The following ZNF804B variants were observed in gnomAD, a reference collection of about 807,000 sequenced individuals.
ZNF804B encodes zinc finger protein 804B, also known as zinc finger 804B.
In ZNF804B, 80 loss-of-function variants were observed where a neutral mutation model predicts 101.4. The ratio of observed to expected loss-of-function variants is 0.79; its 90% CI spans 0.66 to 0.95. The LOEUF is 0.95. Among genes scored for constraint, ZNF804B ranks in the 40% least tolerant of loss-of-function variants. The pLI is 0.00. For synonymous variants in ZNF804B, 622 were observed against 558.8 expected, an observed-to-expected ratio of 1.11 and a Z score of -1.59; for missense variants, 1,673 against 1,561.9, an observed-to-expected ratio of 1.07 and a Z score of -1.20.
intron 1 of ZNF804B, among the ~76,000 whole-genome samples, chr7:88,946,553 T>A (rs1433051260): frequency 5.6e-5 from 4 of 71,820 alleles, no homozygotes; most frequent in African/African-American, 2.7e-4. Flanking sequence ...GCTGAAATTT[T>A]CTTTTTTTTT....
intron 1 of ZNF804B, among the ~76,000 whole-genome samples, chr7:89,149,294 T>C (rs1790835566): frequency 6.6e-6 from 1 of 152,108 alleles, no homozygotes; most frequent in African/African-American, 2.4e-5. Context: ...TTACTTGTCT[T>C]GTCTTTGCAA....
chr7:88,782,728 G>A (rs117428140), intron 1 of ZNF804B, among the ~76,000 whole-genome samples: 3,978 of 152,250 alleles, frequency 0.026, 74 homozygotes, highest in Admixed American at 0.041. Context: ...ACAAGGTAGT[G>A]TGAGAAATAA....
intron 2 of ZNF804B, among the ~76,000 whole-genome samples, chr7:89,294,590 G>T (rs1224257645): frequency 1.3e-5 from 2 of 151,364 alleles, no homozygotes; most frequent in African/African-American, 4.9e-5. Flanking sequence ...CTCTATACCT[G>T]CTGGGTCTCC....
chr7:89,051,562 A>G (rs543555378), intron 1 of ZNF804B, among the ~76,000 whole-genome samples: 2 of 152,268 alleles, frequency 1.3e-5, no homozygotes, highest in Admixed American at 1.3e-4. Context: ...ATATATGCCA[A>G]TCTGATAAGA....
intron 1 of ZNF804B, among the ~76,000 whole-genome samples, chr7:88,892,017 C>CTAAAGTTAT (rs1260197607): frequency 1.3e-5 from 2 of 152,034 alleles, no homozygotes; most frequent in East Asian, 3.9e-4. Flanking sequence ...ATATAAAAGC[C>CTAAAGTTAT]TAAAGTTATA....
chr7:88,796,777 G>A (rs1261717455), intron 1 of ZNF804B, among the ~76,000 whole-genome samples: 2 of 152,030 alleles, frequency 1.3e-5, no homozygotes, highest in East Asian at 3.9e-4. Flanking sequence ...GCAGGTAAGT[G>A]GTCCTTAAAG....
chr7:89,051,443 G>A (rs896225360), intron 1 of ZNF804B, among the ~76,000 whole-genome samples: 3 of 152,128 alleles, frequency 2.0e-5, no homozygotes, highest in African/African-American at 7.2e-5. Context: ...TTCTCCACAT[G>A]TTATCAAGTG....
chr7:88,856,769 G>C (rs1055789219), intron 1 of ZNF804B, among the ~76,000 whole-genome samples: 1 of 152,068 alleles, frequency 6.6e-6, no homozygotes, highest in African/African-American at 2.4e-5. Flanking sequence ...TTATTATTTT[G>C]AGATACGTCC....
At chr7:89,046,670 G>A (rs911565500) in intron 1 of ZNF804B, among the ~76,000 whole-genome samples, 1 of 152,012 alleles carries the variant, frequency 6.6e-6, no homozygotes, top group Admixed American at 6.6e-5. Flanking sequence ...TTCTGATCTT[G>A]AAAATTTTGA....
chr7:88,776,855 T>C (rs1790150124), intron 1 of ZNF804B, among the ~76,000 whole-genome samples: 1 of 140,572 alleles, frequency 7.1e-6, no homozygotes, highest in Non-Finnish European at 1.5e-5. Flanking sequence ...TATCAGTGTC[T>C]AGTCAGGATA....
rs531433784 is a variant in ZNF804B at position 88,923,791 on chromosome 7, T to C, written c.108+163707T>C. Among the ~76,000 whole-genome samples, 462 of 152,214 alleles carry C rather than the reference T, an allele frequency of 3.0e-3. 1 individual carries two copies. The highest frequency in any genetic ancestry group is 5.5e-3 in the Non-Finnish European group (373 of 67,982). ...GAAATATGTATAGACATATATAAAA[T>C]AGAAGTGACTTTAAGTTTATTTTAC... On this transcript the variant is annotated intron_variant, in intron 1 of 3. Transcript: ENST00000333190.
chr7:89,011,181 A>C (rs996768468), intron 1 of ZNF804B, among the ~76,000 whole-genome samples: 3 of 152,172 alleles, frequency 2.0e-5, no homozygotes, highest in African/African-American at 7.2e-5. Context: ...TTATAGAACT[A>C]TCAGATCTTG....
chr7:88,961,794 C>G (rs1482825407), intron 1 of ZNF804B, among the ~76,000 whole-genome samples: 2 of 151,298 alleles, frequency 1.3e-5, no homozygotes, highest in African/African-American at 4.8e-5. Flanking sequence ...GCAATTTACA[C>G]CAGAGGATGA....
rs182986526 is a variant in ZNF804B at position 88,967,149 on chromosome 7, G to T, written c.108+207065G>T. 1.1e-3 allele frequency among the ~76,000 whole-genome samples: 161 copies of T among 151,630 alleles called. 1 individual carries two copies. Among genetic ancestry groups the T allele is most frequent in the African/African-American group, 3.7e-3 (152 of 41,458 alleles). ...AAAGATGAAGGAGATGATGCACATT[G>T]CTATGAAGAACTATCTAAGACTGGG... is the stretch of plus-strand genomic sequence containing the variant. On this transcript the variant is annotated intron_variant, in intron 1 of 3. Transcript: ENST00000333190.
intron 1 of ZNF804B, among the ~76,000 whole-genome samples, chr7:88,792,654 G>A (rs1345665237): frequency 3.9e-5 from 6 of 151,986 alleles, no homozygotes; most frequent in Non-Finnish European, 8.8e-5. Context: ...CTTTTTCACA[G>A]TTCAAAGAAT....
intron 2 of ZNF804B, among the ~76,000 whole-genome samples, chr7:89,270,334 A>G (rs1789872644): frequency 6.6e-6 from 1 of 152,130 alleles, no homozygotes; most frequent in Non-Finnish European, 1.5e-5. Flanking sequence ...TCCTTTCCTC[A>G]TTTCTTGTTT....
intron 1 of ZNF804B, among the ~76,000 whole-genome samples, chr7:88,876,780 A>G (rs1214291735): frequency 6.8e-6 from 1 of 146,576 alleles, no homozygotes; most frequent in Admixed American, 6.8e-5. Context: ...ACTTTCCAGG[A>G]GTTTTCAATA....
chr7:89,289,303 C>G (rs28848771), intron 2 of ZNF804B, among the ~76,000 whole-genome samples: 6,289 of 151,950 alleles, frequency 0.041, 142 homozygotes, highest in Non-Finnish European at 0.049. Context: ...CTCCGTTGAT[C>G]GTCTGCCCCA....
rs1389787684 is a variant in ZNF804B, at chr7:89,336,993, A to C, written c.4011A>C (p.Glu1337Asp). The change falls in exon 4 of 4, where the codon GAA becomes GAC. Residue 1337 changes from glutamate to aspartate, a missense_variant. Physicochemically the swap from Glu to Asp is conservative, Grantham distance 45. Coordinates refer to ENST00000333190, the MANE Select transcript of ZNF804B (RefSeq NM_181646.5). ...SCSSQMQQLNEVKEALNVSTH... is the reference protein window; with the variant it reads ...SCSSQMQQLNDVKEALNVSTH... ...CTAGCCAGATGCAACAGCTAAATGAAGTGAAAGAGGCCTTAAATGTGTCCA... is the reference window on the plus strand; with the variant it reads ...CTAGCCAGATGCAACAGCTAAATGACGTGAAAGAGGCCTTAAATGTGTCCA... The C allele has an allele frequency of 6.2e-7, 1 of 1,614,072 alleles. No individual in the cohort carries two copies. Among genetic ancestry groups the C allele is most frequent in the South Asian group, 1.1e-5 (1 of 91,084 alleles).
Sources: gnomAD v4.1 joint callset for allele counts (sites outside exome capture counted in the v4.1 genomes callset) on GRCh38, gnomAD v4.1.1 for gene constraint, MANE v1.5 for transcripts, NCBI Gene and HGNC (gene_info 2026-07-23, HGNC 2026-07-21) for gene names.